The following TAFA2 variants were observed in gnomAD, a reference collection of about 807,000 sequenced individuals.
TAFA2 encodes chemokine-like protein TAFA-2.
Under a neutral mutation model 18.8 loss-of-function variants are expected in TAFA2, and 7 were observed. That is an observed-to-expected ratio of 0.37 (90% CI 0.21 to 0.70). TAFA2 has a LOEUF of 0.70. Among genes scored for constraint, TAFA2 ranks in the 30% least tolerant of loss-of-function variants. The probability of loss-of-function intolerance (pLI) is 0.53; values close to 1 mark genes in which losing one functional copy is unlikely to be tolerated. For missense variants in TAFA2, 122 were observed against 158.1 expected, an observed-to-expected ratio of 0.77 and a Z score of 1.23; for synonymous variants, 60 against 54.2, an observed-to-expected ratio of 1.11 and a Z score of -0.47.
intron 1 of TAFA2, among the ~76,000 whole-genome samples, chr12:61,953,337 C>A (rs1050930354): frequency 7.2e-5 from 11 of 152,006 alleles, no homozygotes; most frequent in African/African-American, 2.7e-4. Flanking sequence ...AAGTTAAATA[C>A]AAAAGATACT....
rs1215841273 is a variant in TAFA2 at position 61,941,932 on chromosome 12, A to C, written c.-1-74506T>G. 7.9e-5 allele frequency among the ~76,000 whole-genome samples: 12 copies of C among 152,204 alleles called. 1 individual carries two copies. Among genetic ancestry groups the C allele is most frequent in the Admixed American group, 1.3e-4 (2 of 15,288 alleles). On this transcript the variant is annotated intron_variant, in intron 1 of 4. Coordinates refer to ENST00000416284, the MANE Select transcript of TAFA2 (RefSeq NM_178539.5). ...GGTAAACAAAGCAGCCTGGAAGCTC[A>C]AACTGGGTGGAGCCCACCACAGCTC...
At chr12:62,194,164 C>A (rs1272842685), upstream of TAFA2, among the ~76,000 whole-genome samples, 1 of 152,126 alleles carries the variant, frequency 6.6e-6, no homozygotes, top group Non-Finnish European at 1.5e-5. Context: ...CACTGTTGCA[C>A]TGCAAATCTT....
chr12:61,758,369 C>T (rs1350648971), intron 2 of TAFA2, among the ~76,000 whole-genome samples: 1 of 151,474 alleles, frequency 6.6e-6, no homozygotes, highest in Non-Finnish European at 1.5e-5. Context: ...AATGACAACA[C>T]AGGAGAGAAA....
chr12:61,849,818 G>A (rs537592882), intron 2 of TAFA2, among the ~76,000 whole-genome samples: 1 of 152,186 alleles, frequency 6.6e-6, no homozygotes, highest in East Asian at 1.9e-4. Flanking sequence ...GAAATTATAA[G>A]ATATACAAAA....
intron 2 of TAFA2, among the ~76,000 whole-genome samples, chr12:61,846,758 A>G (rs900121801): frequency 6.6e-6 from 1 of 152,218 alleles, no homozygotes; most frequent in African/African-American, 2.4e-5. Flanking sequence ...AGCTCTGAAA[A>G]TAATAGTCAC....
intron 1 of TAFA2, among the ~76,000 whole-genome samples, chr12:62,187,386 A>G (rs1476498717): frequency 1.3e-5 from 2 of 152,178 alleles, no homozygotes; most frequent in African/African-American, 4.8e-5. Flanking sequence ...AATCATGGAA[A>G]ATAGTGGAAA....
At chr12:61,809,275 C>T (rs1254557800) in intron 2 of TAFA2, among the ~76,000 whole-genome samples, 2 of 151,438 alleles carry the variant, frequency 1.3e-5, no homozygotes, top group African/African-American at 4.9e-5. Flanking sequence ...TCAGTTTTCT[C>T]ATATTTAAAA....
chr12:62,151,305 C>A (rs1426996764), intron 1 of TAFA2, among the ~76,000 whole-genome samples: 1 of 152,166 alleles, frequency 6.6e-6, no homozygotes, highest in African/African-American at 2.4e-5. Flanking sequence ...TGAAGGCCAC[C>A]CACAGTGACT....
Position 62,000,228 on chromosome 12 carries a change from T to C in TAFA2, c.-1-132802A>G, listed in dbSNP as rs377360675. ...ATTCTAATGCATACTGCCTGTGTAGTCCTTTACTTTCTTCAGAGGTTTTCA... is the reference window on the plus strand; with the variant it reads ...ATTCTAATGCATACTGCCTGTGTAGCCCTTTACTTTCTTCAGAGGTTTTCA... On this transcript the variant is annotated intron_variant, in intron 1 of 4. Transcript: ENST00000416284. Among the ~76,000 whole-genome samples, 4 of 114,406 alleles carry C rather than the reference T, an allele frequency of 3.5e-5. No individual in the cohort carries two copies. In the East Asian group the frequency reaches 1.9e-3, roughly 54 times the overall value. 75.1% of individuals were successfully genotyped at this position (114,406 alleles called of 152,430 possible). A position where few individuals can be genotyped will look rare whatever the true frequency, so the allele number is the denominator to read the frequency against.
intron 1 of TAFA2, among the ~76,000 whole-genome samples, chr12:61,910,096 G>T (rs12307135): frequency 0.036 from 3,061 of 84,752 alleles, 116 homozygotes; most frequent in African/African-American, 0.17. Context: ...GTGTGTGTGT[G>T]TGTTTGTGTG....
chr12:62,212,591 C>T (rs1209676952), intron 1 of TAFA2, among the ~76,000 whole-genome samples: 4 of 152,144 alleles, frequency 2.6e-5, no homozygotes, highest in African/African-American at 9.7e-5. Context: ...TGCTGAATAA[C>T]GATTCTCTAA....
intron 1 of TAFA2, among the ~76,000 whole-genome samples, chr12:62,185,570 C>T (rs2062580492): frequency 6.6e-6 from 1 of 152,162 alleles, no homozygotes; most frequent in South Asian, 2.1e-4. Flanking sequence ...TACCATATAA[C>T]TATAACAAGG....
At chr12:61,873,343 C>T (rs1408917580) in intron 1 of TAFA2, among the ~76,000 whole-genome samples, 1 of 151,546 alleles carries the variant, frequency 6.6e-6, no homozygotes, top group Non-Finnish European at 1.5e-5. Context: ...GGTACATGTG[C>T]ACAATGTGCA....
chr12:61,963,510 G>C (rs1035527966), intron 1 of TAFA2, among the ~76,000 whole-genome samples: 1 of 151,924 alleles, frequency 6.6e-6, no homozygotes. Flanking sequence ...AGAAGTGTCT[G>C]TTCATATCCT....
intron 1 of TAFA2, among the ~76,000 whole-genome samples, chr12:61,904,790 T>C (rs1456168595): frequency 3.3e-5 from 5 of 152,138 alleles, no homozygotes; most frequent in Non-Finnish European, 7.4e-5. Flanking sequence ...ATACTCTAAT[T>C]ATTGATTTGG....
chr12:62,158,225 A>AATTTTGTT (rs1409142516), intron 1 of TAFA2, among the ~76,000 whole-genome samples: 1 of 152,234 alleles, frequency 6.6e-6, no homozygotes, highest in African/African-American at 2.4e-5. Flanking sequence ...CATTAATTCA[A>AATTTTGTT]ATTTTGTTTC....
At chr12:61,856,141 C>T (rs1246549226) in intron 2 of TAFA2, among the ~76,000 whole-genome samples, 1 of 151,628 alleles carries the variant, frequency 6.6e-6, no homozygotes, top group Admixed American at 6.6e-5. Context: ...ATCAATATTG[C>T]CATCCCCCTC....
intron 1 of TAFA2, among the ~76,000 whole-genome samples, chr12:62,226,048 A>G (rs1314143284): frequency 6.6e-6 from 1 of 152,178 alleles, no homozygotes; most frequent in African/African-American, 2.4e-5. Context: ...GGTTATACCC[A>G]TTGCCTTCAA....
intron 2 of TAFA2, among the ~76,000 whole-genome samples, chr12:61,763,998 T>G (rs1869675964): frequency 6.6e-6 from 1 of 152,038 alleles, no homozygotes; most frequent in Admixed American, 6.6e-5. Flanking sequence ...CTTGTTTAAA[T>G]TAAAGCTATA....
Sources: allele counts gnomAD v4.1 joint callset (sites outside exome capture counted in the v4.1 genomes callset), GRCh38; gene constraint gnomAD v4.1.1; transcripts MANE v1.5; gene names NCBI Gene and HGNC (gene_info 2026-07-23, HGNC 2026-07-21).